The following LGSN variants were observed in gnomAD, a reference collection of about 807,000 sequenced individuals.
The protein encoded by LGSN is lengsin.
LGSN carries 21 observed loss-of-function variants against 19.5 expected under a neutral mutation model. The observed-to-expected ratio is 1.07, with a 90% CI of 0.76 to 1.55. LGSN has a LOEUF of 1.55. Ranked by LOEUF, LGSN falls within the 40% of genes most tolerant of loss-of-function variation. The pLI, the probability that LGSN is intolerant of heterozygous loss-of-function variation, is 0.00. For synonymous variants in LGSN, 257 were observed against 215.6 expected (o/e 1.19, Z -1.68); for missense variants, 673 against 608.5 (o/e 1.11, Z -1.12).
At chr6:63,513,805 C>T in the LGSN span, among the ~76,000 whole-genome samples, 1 of 145,166 alleles carries the variant, frequency 6.9e-6, no homozygotes, top group East Asian at 2.2e-4. Context: ...CAGCTGCTCG[C>T]GGGGCTGAGG....
the LGSN span, among the ~76,000 whole-genome samples, chr6:63,446,243 CAAA>C: frequency 2.7e-5 from 2 of 74,738 alleles, no homozygotes; most frequent in Non-Finnish European, 2.4e-5. Flanking sequence ...GACTGTGTCT[CAAA>C]AAAAAAAAAA....
the LGSN span, among the ~76,000 whole-genome samples, chr6:63,444,699 T>G: frequency 6.6e-6 from 1 of 152,214 alleles, no homozygotes; most frequent in Non-Finnish European, 1.5e-5. Flanking sequence ...CGTTAACATA[T>G]CTGCTCCTGT....
At chr6:63,387,615 T>C in the LGSN span, among the ~76,000 whole-genome samples, 1 of 152,090 alleles carries the variant, frequency 6.6e-6, no homozygotes, top group East Asian at 1.9e-4. Flanking sequence ...TATATATTAG[T>C]ACAAAAAGTT....
At chr6:63,349,624 G>T in the LGSN span, among the ~76,000 whole-genome samples, 448 of 152,278 alleles carry the variant, frequency 2.9e-3, 3 homozygotes, top group African/African-American at 0.01. Flanking sequence ...TTTCCACCAC[G>T]GGCTTTGAAG....
At chr6:63,378,915 T>C in the LGSN span, among the ~76,000 whole-genome samples, 2 of 152,336 alleles carry the variant, frequency 1.3e-5, no homozygotes, top group African/African-American at 4.8e-5. Flanking sequence ...GTTTGCTTTA[T>C]TCTGAGGGTA....
At chr6:63,568,609 G>C in the LGSN span, among the ~76,000 whole-genome samples, 1 of 151,620 alleles carries the variant, frequency 6.6e-6, no homozygotes, top group East Asian at 1.9e-4. Context: ...TGGAAAAATG[G>C]CTCTGATAGA....
At chr6:63,539,711 G>T in the LGSN span, among the ~76,000 whole-genome samples, 9 of 152,000 alleles carry the variant, frequency 5.9e-5, no homozygotes, top group Admixed American at 2.0e-4. Context: ...GGAGGTTGCA[G>T]TGAGCTGAGA....
the LGSN span, among the ~76,000 whole-genome samples, chr6:63,437,627 T>G: frequency 2.6e-5 from 4 of 152,168 alleles, no homozygotes; most frequent in African/African-American, 9.7e-5. Context: ...TAAAAGCATT[T>G]TTCCTCTCAT....
At position 63,277,461 on chromosome 6, in the gene LGSN, A is replaced by C. The variant is rs1197271921; in HGVS notation, c.*2560T>G. ...CATCCCCAAATCCCTCAAATTCCCC[A>C]CTCATATGCACACACTCACACACAA... is the stretch of plus-strand genomic sequence containing the variant. On this transcript the variant is annotated 3_prime_UTR_variant, in exon 4 of 4. Transcript: ENST00000370657. 1 of 152,130 alleles carries C rather than the reference A, an allele frequency of 6.6e-6. No individual in the cohort carries two copies. Among genetic ancestry groups the C allele is most frequent in the African/African-American group, 2.4e-5 (1 of 41,416 alleles). 9.4% of individuals were successfully genotyped at this position (152,130 alleles called of 1,614,324 possible). A position where few individuals can be genotyped will look rare whatever the true frequency, so the allele number is the denominator to read the frequency against.
chr6:63,298,969 G>A (rs1768086695), intron 1 of LGSN, among the ~76,000 whole-genome samples: 1 of 152,108 alleles, frequency 6.6e-6, no homozygotes, highest in Non-Finnish European at 1.5e-5. Flanking sequence ...TTACTATCCT[G>A]CCCCAAAGAT....
the LGSN span, among the ~76,000 whole-genome samples, chr6:63,545,258 C>A: frequency 6.6e-6 from 1 of 152,222 alleles, no homozygotes; most frequent in South Asian, 2.1e-4. Flanking sequence ...CTTTTCATGT[C>A]TTTTCCTTCT....
At chr6:63,387,729 C>T in the LGSN span, among the ~76,000 whole-genome samples, 1 of 151,972 alleles carries the variant, frequency 6.6e-6, no homozygotes, top group Admixed American at 6.6e-5. Context: ...AGCCAGGGTC[C>T]CACTGCAGTG....
intron 1 of LGSN, among the ~76,000 whole-genome samples, chr6:63,313,478 G>A (rs2127395994): frequency 6.6e-6 from 1 of 152,268 alleles, no homozygotes; most frequent in East Asian, 1.9e-4. Flanking sequence ...TCTACCAGGG[G>A]AGTACATAGA....
chr6:63,440,044 A>C, the LGSN span, among the ~76,000 whole-genome samples: 4 of 152,198 alleles, frequency 2.6e-5, no homozygotes, highest in African/African-American at 9.6e-5. Context: ...TAAAAAGACA[A>C]ACATAGGTTC....
At chr6:63,551,671 T>TG in the LGSN span, among the ~76,000 whole-genome samples, 1 of 151,942 alleles carries the variant, frequency 6.6e-6, no homozygotes, top group Non-Finnish European at 1.5e-5. Context: ...TATCTCCTAA[T>TG]GCTATCCCTC....
intron 1 of LGSN, among the ~76,000 whole-genome samples, chr6:63,312,491 C>G (rs1296528137): frequency 6.6e-6 from 1 of 152,096 alleles, no homozygotes; most frequent in African/African-American, 2.4e-5. Context: ...GAGATCTCAC[C>G]TAATGCTTCA....
chr6:63,573,365 C>T, the LGSN span: 7 of 152,466 alleles, frequency 4.6e-5, no homozygotes, highest in African/African-American at 1.2e-4. Context: ...CTCGGAGCTC[C>T]GGGGTGGGCG....
At chr6:63,412,321 C>A in the LGSN span, among the ~76,000 whole-genome samples, 1 of 149,688 alleles carries the variant, frequency 6.7e-6, no homozygotes, top group Non-Finnish European at 1.5e-5. Context: ...GAACTGAGAT[C>A]GCCCCACTGC....
the LGSN span, chr6:63,572,665 C>T: frequency 9.7e-6 from 4 of 410,398 alleles, no homozygotes; most frequent in Non-Finnish European, 1.7e-5. Flanking sequence ...GTCGCCGCCG[C>T]CTCGGGACCG....
Sources: gnomAD v4.1 joint callset for allele counts (sites outside exome capture counted in the v4.1 genomes callset) on GRCh38, gnomAD v4.1.1 for gene constraint, MANE v1.5 for transcripts, NCBI Gene and HGNC (gene_info 2026-07-23, HGNC 2026-07-21) for gene names.